The following SSBP2 variants were observed in gnomAD, a reference collection of about 807,000 sequenced individuals.
The protein encoded by SSBP2 is single stranded DNA binding protein 2.
In SSBP2, 17 loss-of-function variants were observed where a neutral mutation model predicts 61.8. That is an observed-to-expected ratio of 0.28 (90% confidence interval 0.19 to 0.41). SSBP2 has a LOEUF of 0.41. Among genes scored for constraint, SSBP2 ranks in the 10% least tolerant of loss-of-function variants. The probability of loss-of-function intolerance (pLI) is 1.00; values close to 1 mark genes in which losing one functional copy is unlikely to be tolerated. For missense variants in SSBP2, 310 were observed against 458.7 expected, an observed-to-expected ratio of 0.68 and a Z score of 2.96; for synonymous variants, 139 against 141.3, an observed-to-expected ratio of 0.98 and a Z score of 0.12.
intron 3 of SSBP2, among the ~76,000 whole-genome samples, chr5:81,627,427 G>A (rs1360790741): frequency 6.6e-6 from 1 of 152,056 alleles, no homozygotes; most frequent in Non-Finnish European, 1.5e-5. Context: ...TACCTTGCCT[G>A]TTATAGGAAA....
chr5:81,458,147 G>A (rs1238146130), intron 10 of SSBP2, among the ~76,000 whole-genome samples: 1 of 152,122 alleles, frequency 6.6e-6, no homozygotes, highest in Non-Finnish European at 1.5e-5. Flanking sequence ...AACAAGCTGA[G>A]AAACTGTTCC....
At chr5:81,686,359 C>T (rs567111089) in intron 1 of SSBP2, among the ~76,000 whole-genome samples, 1 of 152,146 alleles carries the variant, frequency 6.6e-6, no homozygotes, top group East Asian at 1.9e-4. Flanking sequence ...AAATTAATGG[C>T]CCTTTAACAT....
intron 1 of SSBP2, among the ~76,000 whole-genome samples, chr5:81,656,417 A>C (rs1750215392): frequency 6.6e-6 from 1 of 152,210 alleles, no homozygotes; most frequent in Non-Finnish European, 1.5e-5. Flanking sequence ...AAAATTAAAT[A>C]AAATTAAAAA....
At chr5:81,544,106 G>C (rs530198291) in intron 4 of SSBP2, among the ~76,000 whole-genome samples, 3 of 152,222 alleles carry the variant, frequency 2.0e-5, no homozygotes, top group Admixed American at 2.0e-4. Flanking sequence ...CTGGAGTGCA[G>C]TGGCGGGATC....
In SSBP2 at chr5:81,518,988, C is replaced by T. The variant is rs1410210889; in HGVS notation, c.283-5271G>A. On this transcript the variant is annotated intron_variant, in intron 4 of 16. Transcript: ENST00000320672. ...CATGCATGATGCATTTAATAGGCTA[C>T]TGAATTATATTTGGTAATATTTTAT... 4.6e-5 allele frequency among the ~76,000 whole-genome samples: 7 copies of T among 152,046 alleles called. No homozygotes were observed. In the East Asian group the frequency reaches 1.2e-3, roughly 25 times the overall value.
chr5:81,452,997 A>G (rs957127986), intron 10 of SSBP2, among the ~76,000 whole-genome samples: 6 of 151,838 alleles, frequency 4.0e-5, no homozygotes, highest in Non-Finnish European at 7.4e-5. Flanking sequence ...AACATTGCCA[A>G]TTAAGAATGG....
upstream of SSBP2, chr5:81,751,639 C>G (rs1349098149): frequency 6.4e-6 from 1 of 156,926 alleles, no homozygotes; most frequent in African/African-American, 2.4e-5. Context: ...CCGCTCCTCT[C>G]CTATGCGTGA....
chr5:81,447,190 G>A (rs1253205536), intron 11 of SSBP2, among the ~76,000 whole-genome samples: 2 of 152,092 alleles, frequency 1.3e-5, no homozygotes, highest in African/African-American at 4.8e-5. Context: ...GTTATAATGA[G>A]GTTAAGCAGA....
intron 4 of SSBP2, among the ~76,000 whole-genome samples, chr5:81,575,320 T>C (rs1350126652): frequency 6.6e-6 from 1 of 152,076 alleles, no homozygotes; most frequent in Non-Finnish European, 1.5e-5. Context: ...TCTGTAAAAA[T>C]AGTGATAATG....
intron 2 of SSBP2, among the ~76,000 whole-genome samples, chr5:81,639,175 G>A (rs1748542688): frequency 6.6e-6 from 1 of 152,064 alleles, no homozygotes; most frequent in Non-Finnish European, 1.5e-5. Context: ...AAATAAATTC[G>A]TGATTTGAGG....
intron 5 of SSBP2, among the ~76,000 whole-genome samples, chr5:81,501,823 A>G (rs1038799278): frequency 2.6e-5 from 4 of 151,960 alleles, no homozygotes; most frequent in African/African-American, 4.8e-5. Context: ...TTGGCCTCCC[A>G]AAGTGCTAAG....
chr5:81,602,756 G>A (rs1394030331), intron 4 of SSBP2, among the ~76,000 whole-genome samples: 1 of 152,056 alleles, frequency 6.6e-6, no homozygotes, highest in East Asian at 1.9e-4. Flanking sequence ...TGACACTTTA[G>A]ATATTCTGCC....
At chr5:81,538,588 G>A (rs1457622003) in intron 4 of SSBP2, among the ~76,000 whole-genome samples, 2 of 152,202 alleles carry the variant, frequency 1.3e-5, no homozygotes, top group East Asian at 3.8e-4. Context: ...AGAAGTCAAT[G>A]CATGCTTTCA....
chr5:81,697,985 G>A (rs1309720749), intron 1 of SSBP2, among the ~76,000 whole-genome samples: 3 of 151,982 alleles, frequency 2.0e-5, no homozygotes, highest in African/African-American at 7.3e-5. Flanking sequence ...TCTTTACACT[G>A]TGTTTTATAT....
chr5:81,674,706 A>C (rs893111648), intron 1 of SSBP2, among the ~76,000 whole-genome samples: 23 of 152,208 alleles, frequency 1.5e-4, no homozygotes, highest in Non-Finnish European at 5.9e-5. Flanking sequence ...AATTTAAAAA[A>C]ACATACTTTT....
chr5:81,544,088 G>C (rs952692705), intron 4 of SSBP2, among the ~76,000 whole-genome samples: 17 of 152,088 alleles, frequency 1.1e-4, no homozygotes, highest in South Asian at 8.3e-4. Flanking sequence ...CTCGCTCTGT[G>C]GCCCAGGCTG....
In SSBP2 at chr5:81,586,525, T is replaced by C. The variant is rs1018749226; in HGVS notation, c.282+28948A>G. Among the ~76,000 whole-genome samples the C allele has an allele frequency of 2.0e-5, 3 of 151,810 alleles. No individual in the cohort carries two copies. The East Asian group carries it at 5.8e-4, about 29-fold the overall frequency. On this transcript the variant is annotated intron_variant, in intron 4 of 16. Transcript: ENST00000320672. ...AAAGAAAATAATAGCTTATTACATATGTCATAACAGAACATGAGGAAACAT... is the reference window on the plus strand; with the variant it reads ...AAAGAAAATAATAGCTTATTACATACGTCATAACAGAACATGAGGAAACAT...
chr5:81,717,270 G>C (rs1405786697), intron 1 of SSBP2, among the ~76,000 whole-genome samples: 1 of 152,110 alleles, frequency 6.6e-6, no homozygotes. Context: ...TAAAAGCAAT[G>C]GATCCTCCAT....
intron 1 of SSBP2, among the ~76,000 whole-genome samples, chr5:81,675,481 C>A (rs1182153085): frequency 6.6e-6 from 1 of 152,098 alleles, no homozygotes; most frequent in African/African-American, 2.4e-5. Flanking sequence ...TTTAGGGATG[C>A]CAAAATAAAA....
Sources: gnomAD v4.1 joint callset for allele counts (sites outside exome capture counted in the v4.1 genomes callset) on GRCh38, gnomAD v4.1.1 for gene constraint, MANE v1.5 for transcripts, NCBI Gene and HGNC (gene_info 2026-07-23, HGNC 2026-07-21) for gene names.